Variants in CBLN2 observed in about 807,000 individuals in gnomAD.
CBLN2 encodes cerebellin-2.
Under a neutral mutation model 15.0 loss-of-function variants are expected in CBLN2, and 7 were observed. That is an observed-to-expected ratio of 0.47 (90% confidence interval 0.27 to 0.88). The LOEUF (loss-of-function observed/expected upper bound fraction) is 0.88. Among genes scored for constraint, CBLN2 ranks in the 40% least tolerant of loss-of-function variants. The pLI, the probability that CBLN2 is intolerant of heterozygous loss-of-function variation, is 0.14. For missense variants in CBLN2, 242 were observed against 304.5 expected (o/e 0.79, Z 1.53); for synonymous variants, 149 against 135.2 (o/e 1.10, Z -0.71).
intron 1 of CBLN2, among the ~76,000 whole-genome samples, chr18:72,615,057 A>T (rs2069647945): frequency 7.3e-6 from 1 of 137,522 alleles, no homozygotes; most frequent in South Asian, 2.1e-4. Context: ...ATATATATAT[A>T]AATATATATA....
In CBLN2 at chr18:72,624,370, A is replaced by G. The variant is rs151261995; in HGVS notation, c.15+13955T>C. Among the ~76,000 whole-genome samples, 346 of 152,134 alleles carry G rather than the reference A, an allele frequency of 2.3e-3. 2 individuals carry two copies. The highest frequency in any genetic ancestry group is 7.8e-3 in the African/African-American group (325 of 41,512). On this transcript the variant is annotated intron_variant, in intron 1 of 2. Transcript: ENST00000581073. ...TTACTATTGCAATTACCCTAACTAA[A>G]ACTATCTTCCTGCAATGCCAGCACT... is the stretch of plus-strand genomic sequence containing the variant.
At chr18:72,539,672 GC>G (rs2069094188) in intron 3 of CBLN2, 5 of 152,120 alleles carry the variant, frequency 3.3e-5, no homozygotes, top group Admixed American at 3.3e-4. Context: ...TGTTTCATAA[GC>G]AGAATTTCAA....
chr18:72,607,703 T>C (rs201151560), intron 1 of CBLN2, among the ~76,000 whole-genome samples: 9 of 128,562 alleles, frequency 7.0e-5, no homozygotes, highest in South Asian at 2.6e-4. Flanking sequence ...CTTTCTCTCT[T>C]TCTCTCTCTC....
intron 1 of CBLN2, among the ~76,000 whole-genome samples, chr18:72,568,079 G>A (rs894194012): frequency 2.0e-5 from 3 of 151,932 alleles, no homozygotes; most frequent in African/African-American, 4.8e-5. Flanking sequence ...TTTCGTTTCA[G>A]TACTCAGTTC....
At chr18:72,575,699 G>A (rs1187078821) in intron 1 of CBLN2, among the ~76,000 whole-genome samples, 2 of 152,154 alleles carry the variant, frequency 1.3e-5, no homozygotes, top group African/African-American at 4.8e-5. Context: ...GAGAGGCTGA[G>A]GATGCAGGCG....
chr18:72,556,411 G>T (rs1307919676), intron 1 of CBLN2, among the ~76,000 whole-genome samples: 1 of 152,144 alleles, frequency 6.6e-6, no homozygotes, highest in Non-Finnish European at 1.5e-5. Context: ...TGAAATTTCA[G>T]TTAGCAATAG....
intron 1 of CBLN2, among the ~76,000 whole-genome samples, chr18:72,583,244 A>T (rs2069418598): frequency 6.6e-6 from 1 of 152,190 alleles, no homozygotes; most frequent in Non-Finnish European, 1.5e-5. Flanking sequence ...AGGCAGAGCT[A>T]AATCCTTGAA....
At chr18:72,579,465 T>A (rs1285858820) in intron 1 of CBLN2, among the ~76,000 whole-genome samples, 3 of 152,082 alleles carry the variant, frequency 2.0e-5, no homozygotes, top group South Asian at 2.1e-4. Flanking sequence ...GAACTAGTAA[T>A]ACCACGCCTG....
At chr18:72,546,163 C>A (rs1044524358), upstream of CBLN2, among the ~76,000 whole-genome samples, 2 of 152,180 alleles carry the variant, frequency 1.3e-5, no homozygotes, top group African/African-American at 4.8e-5. Context: ...GTCGGCCGGG[C>A]GCGGTGGTTC....
chr18:72,597,201 T>C (rs1279520498), intron 1 of CBLN2, among the ~76,000 whole-genome samples: 1 of 152,214 alleles, frequency 6.6e-6, no homozygotes, highest in African/African-American at 2.4e-5. Flanking sequence ...TTGAAGTGAC[T>C]CCATGTTGTG....
chr18:72,629,164 T>A (rs1009331929), intron 1 of CBLN2, among the ~76,000 whole-genome samples: 6 of 152,146 alleles, frequency 3.9e-5, no homozygotes, highest in Non-Finnish European at 8.8e-5. Context: ...AGTCCACTGG[T>A]CTTCTTTTAA....
intron 1 of CBLN2, among the ~76,000 whole-genome samples, chr18:72,577,647 C>T (rs775763599): frequency 1.3e-5 from 2 of 152,198 alleles, no homozygotes; most frequent in Admixed American, 6.5e-5. Flanking sequence ...AGAGCCAGTG[C>T]GTGCAAAGTT....
At chr18:72,574,589 T>C (rs1367052435) in intron 1 of CBLN2, among the ~76,000 whole-genome samples, 3 of 152,162 alleles carry the variant, frequency 2.0e-5, no homozygotes, top group African/African-American at 7.2e-5. Context: ...TCAGATGGGA[T>C]CATGGCTCAT....
At chr18:72,599,230 A>T (rs934226251) in intron 1 of CBLN2, among the ~76,000 whole-genome samples, 11 of 152,144 alleles carry the variant, frequency 7.2e-5, no homozygotes, top group Non-Finnish European at 1.2e-4. Context: ...TAATTTTTTA[A>T]TTTTTAATGA....
At chr18:72,605,610 G>A (rs2069578380) in intron 1 of CBLN2, among the ~76,000 whole-genome samples, 2 of 152,172 alleles carry the variant, frequency 1.3e-5, no homozygotes, top group African/African-American at 2.4e-5. Flanking sequence ...AAACAATGGA[G>A]GAATTTAGGG....
chr18:72,616,114 T>C (rs556738112), intron 1 of CBLN2, among the ~76,000 whole-genome samples: 7 of 152,284 alleles, frequency 4.6e-5, no homozygotes, highest in African/African-American at 1.4e-4. Context: ...TGGAAAATAA[T>C]CAAGGTTAAG....
intron 1 of CBLN2, among the ~76,000 whole-genome samples, chr18:72,569,431 T>C (rs1241594129): frequency 6.6e-6 from 1 of 152,198 alleles, no homozygotes; most frequent in Non-Finnish European, 1.5e-5. Context: ...CTGGAAACAA[T>C]CAGTTATGAT....
At chr18:72,604,534 C>G (rs1400900245) in intron 1 of CBLN2, among the ~76,000 whole-genome samples, 1 of 152,138 alleles carries the variant, frequency 6.6e-6, no homozygotes, top group East Asian at 1.9e-4. Context: ...AGTGTTTGTC[C>G]TCTCCAAAAC....
chr18:72,538,946 T>A, intron 3 of CBLN2, 174 bp from the exon 4 acceptor site: 1 of 644,904 alleles, frequency 1.6e-6, no homozygotes, highest in South Asian at 2.4e-5. Context: ...AGTTAAAAGA[T>A]CCTATAGCAG....
Sources: allele counts gnomAD v4.1 joint callset (sites outside exome capture counted in the v4.1 genomes callset), GRCh38; gene constraint gnomAD v4.1.1; transcripts MANE v1.5; gene names NCBI Gene and HGNC (gene_info 2026-07-23, HGNC 2026-07-21).